C10orf143: variants seen among roughly 807,000 people sequenced by gnomAD.
C10orf143 encodes the protein chromosome 10 open reading frame 143.
chr10:130,110,346 T>G (rs1054459336), intron 1 of C10orf143, among the ~76,000 whole-genome samples: 3 of 152,292 alleles, frequency 2.0e-5, no homozygotes, highest in South Asian at 2.1e-4. Context: ...CAGTCAGGTG[T>G]AGACGGCAGG....
intron 3 of C10orf143, among the ~76,000 whole-genome samples, chr10:130,057,056 ATTTTT>A (rs11435950): frequency 7.5e-6 from 1 of 133,564 alleles, no homozygotes; most frequent in Non-Finnish European, 1.6e-5. Flanking sequence ...AGGCCCAGCT[ATTTTT>A]TTTTTTTTTT....
intron 1 of C10orf143, chr10:130,106,062 C>T: frequency 1.7e-6 from 1 of 575,856 alleles, no homozygotes; most frequent in South Asian, 1.4e-5. Flanking sequence ...GAGCCAGGGG[C>T]TACCCCTCAG....
intron 3 of C10orf143, among the ~76,000 whole-genome samples, chr10:130,054,869 AT>A (rs1395948966): frequency 6.6e-6 from 1 of 152,244 alleles, no homozygotes; most frequent in Non-Finnish European, 1.5e-5. Flanking sequence ...AGACAAATCT[AT>A]AGACCAATGG....
intron 3 of C10orf143, among the ~76,000 whole-genome samples, chr10:130,037,862 A>G (rs1860562792): frequency 6.6e-6 from 1 of 152,052 alleles, no homozygotes; most frequent in Admixed American, 6.6e-5. Context: ...ATTAGCAGCT[A>G]AGCTCTTTAT....
At chr10:130,095,347 C>T (rs747789170) in intron 1 of C10orf143, among the ~76,000 whole-genome samples, 3 of 152,124 alleles carry the variant, frequency 2.0e-5, no homozygotes, top group Non-Finnish European at 4.4e-5. Context: ...TAATCAATAT[C>T]GGGAAAATGG....
chr10:130,084,087 G>T (rs554152930), intron 1 of C10orf143, among the ~76,000 whole-genome samples: 1 of 152,210 alleles, frequency 6.6e-6, no homozygotes, highest in East Asian at 1.9e-4. Flanking sequence ...AAGGTGGGCA[G>T]ATCACAAGGT....
chr10:130,042,405 C>A (rs1860618024), intron 3 of C10orf143, among the ~76,000 whole-genome samples: 1 of 152,192 alleles, frequency 6.6e-6, no homozygotes, highest in South Asian at 2.1e-4. Flanking sequence ...GACGAAGTTC[C>A]TTTGGCTCAC....
At chr10:130,038,860 G>C (rs2764374) in intron 3 of C10orf143, among the ~76,000 whole-genome samples, 2 of 152,154 alleles carry the variant, frequency 1.3e-5, no homozygotes, top group Non-Finnish European at 2.9e-5. Context: ...AGGCGGAGAC[G>C]GTAGCAAGGC....
At chr10:130,052,388 G>A (rs1277008358) in intron 3 of C10orf143, among the ~76,000 whole-genome samples, 1 of 152,068 alleles carries the variant, frequency 6.6e-6, no homozygotes, top group Non-Finnish European at 1.5e-5. Context: ...CCACCAGGGC[G>A]ATCTCTGGAG....
chr10:130,107,856 T>G (rs530069349), intron 1 of C10orf143: 1 of 1,259,458 alleles, frequency 7.9e-7, no homozygotes, highest in African/African-American at 1.5e-5. Context: ...CGTAGGATGA[T>G]GTTTCCTCCA....
chr10:130,056,842 C>T lies in C10orf143; in HGVS notation c.298-20872G>A, dbSNP rs1484862318. On this transcript the variant is annotated intron_variant and NMD_transcript_variant, in intron 3 of 5. Transcript: ENST00000643056. The surrounding 1 kb of genome is among the most constrained non-coding windows in gnomAD (Gnocchi z 4.6). ...TCCTGACCTCATGATCCGCCTGCCT[C>T]GGTCTCCCAAAGTGCTGGGATTACA... 2.0e-5 allele frequency among the ~76,000 whole-genome samples: 3 copies of T among 152,220 alleles called. No homozygotes were observed. Among genetic ancestry groups the T allele is most frequent in the East Asian group, 3.9e-4 (2 of 5,136 alleles).
At chr10:130,108,272 C>T (rs1350473407) in intron 1 of C10orf143, 4 of 1,570,360 alleles carry the variant, frequency 2.5e-6, no homozygotes, top group Non-Finnish European at 8.8e-7. Flanking sequence ...AGGTCCACCA[C>T]ATGCTCCGTT....
chr10:130,077,327 G>A (rs1054096888), intron 3 of C10orf143, among the ~76,000 whole-genome samples: 3 of 152,218 alleles, frequency 2.0e-5, no homozygotes, highest in East Asian at 1.9e-4. Context: ...AAGCTCAGAC[G>A]GCTATACTGA....
chr10:130,107,982 T>C, intron 1 of C10orf143: 1 of 1,516,922 alleles, frequency 6.6e-7, no homozygotes, highest in South Asian at 1.1e-5. Flanking sequence ...ATGCCTCCTT[T>C]GGATAAAATG....
intron 1 of C10orf143, among the ~76,000 whole-genome samples, chr10:130,109,346 C>G (rs754379111): frequency 1.3e-5 from 2 of 152,076 alleles, no homozygotes; most frequent in Non-Finnish European, 2.9e-5. Context: ...GAGGGTGACA[C>G]CCAGGGGATG....
chr10:130,094,102 A>T (rs573617367), intron 1 of C10orf143, among the ~76,000 whole-genome samples: 1 of 152,130 alleles, frequency 6.6e-6, no homozygotes, highest in East Asian at 1.9e-4. Context: ...AAACGGCTCT[A>T]CACAAATAAA....
At position 130,090,526 on chromosome 10, in the gene C10orf143, T is replaced by G. The variant is rs188217007; in HGVS notation, c.70-10625A>C. Among the ~76,000 whole-genome samples, 497 of 152,270 alleles carry G rather than the reference T, an allele frequency of 3.3e-3. 6 individuals are homozygous for G. The highest frequency in any genetic ancestry group is 0.011 in the African/African-American group (471 of 41,548). On this transcript the variant is annotated intron_variant, in intron 1 of 3. Coordinates refer to ENST00000637128, the MANE Select transcript of C10orf143 (RefSeq NM_001355042.2). ...CCAAGCTAACTGCAGGAGTTTTTTT[T>G]CATACCCCAGTGGCACCTGGAACAC... is the stretch of plus-strand genomic sequence containing the variant.
intron 1 of C10orf143, among the ~76,000 whole-genome samples, chr10:130,102,125 C>T (rs994942653): frequency 3.3e-5 from 5 of 151,982 alleles, no homozygotes; most frequent in African/African-American, 9.6e-5. Flanking sequence ...AAAAATTACC[C>T]GGGATGGGGT....
chr10:130,071,705 G>A (rs768240039), intron 3 of C10orf143, among the ~76,000 whole-genome samples: 98 of 152,082 alleles, frequency 6.4e-4, no homozygotes, highest in Non-Finnish European at 9.8e-4. Context: ...TCGGCTCACC[G>A]CAACCTCTGC....
Sources: allele counts gnomAD v4.1 joint callset (sites outside exome capture counted in the v4.1 genomes callset), GRCh38; gene constraint gnomAD v4.1.1; non-coding constraint Gnocchi (gnomAD v3.1); transcripts MANE v1.5; gene names NCBI Gene and HGNC (gene_info 2026-07-23, HGNC 2026-07-21).